Variants in SUGCT observed in about 807,000 individuals in gnomAD.
The protein encoded by SUGCT is succinyl-CoA:glutarate CoA-transferase.
A neutral mutation model predicts 55.0 loss-of-function variants in SUGCT; 41 were observed. The ratio of observed to expected loss-of-function variants is 0.74; its 90% CI spans 0.58 to 0.97. SUGCT has a LOEUF of 0.97. Ranked by LOEUF, SUGCT falls within the 50% of genes least tolerant of loss-of-function variation. The probability of loss-of-function intolerance (pLI) is 0.00; values close to 1 mark genes in which losing one functional copy is unlikely to be tolerated. For synonymous variants in SUGCT, 187 were observed against 200.4 expected (o/e 0.93, Z 0.56); for missense variants, 568 against 547.8 (o/e 1.04, Z -0.37).
intron 9 of SUGCT, among the ~76,000 whole-genome samples, chr7:40,397,013 AT>A (rs1248991605): frequency 6.6e-6 from 1 of 152,216 alleles, no homozygotes; most frequent in Non-Finnish European, 1.5e-5. Context: ...GTCTTTAAAA[AT>A]AATATATATC....
intron 12 of SUGCT, among the ~76,000 whole-genome samples, chr7:40,632,099 T>G (rs1799815047): frequency 6.6e-6 from 1 of 152,180 alleles, no homozygotes; most frequent in Non-Finnish European, 1.5e-5. Context: ...AATGGTGCTT[T>G]ATACATACTG....
At chr7:40,728,104 G>C (rs1303010007) in intron 12 of SUGCT, among the ~76,000 whole-genome samples, 1 of 152,078 alleles carries the variant, frequency 6.6e-6, no homozygotes, top group African/African-American at 2.4e-5. Context: ...TAGTCAAAGA[G>C]TATTTATAAA....
intron 12 of SUGCT, among the ~76,000 whole-genome samples, chr7:40,635,793 A>G (rs1423071671): frequency 6.6e-6 from 1 of 152,192 alleles, no homozygotes. Context: ...CTCCCAATCA[A>G]TGTGTGAATG....
At chr7:40,454,620 A>AT (rs1391752606) in intron 10 of SUGCT, among the ~76,000 whole-genome samples, 1 of 151,764 alleles carries the variant, frequency 6.6e-6, no homozygotes, top group Non-Finnish European at 1.5e-5. Context: ...CAGAGGGGGA[A>AT]AAAATGTATT....
chr7:40,568,271 A>T (rs1239716950), intron 12 of SUGCT, among the ~76,000 whole-genome samples: 1 of 152,156 alleles, frequency 6.6e-6, no homozygotes, highest in Non-Finnish European at 1.5e-5. Context: ...ATTCAGGTAC[A>T]TAGTAAGCAT....
the SUGCT span, among the ~76,000 whole-genome samples, chr7:41,035,962 A>T: frequency 1.3e-5 from 2 of 152,314 alleles, no homozygotes; most frequent in South Asian, 4.1e-4. Context: ...GAGCAGCCCC[A>T]TGCCTTTGGA....
intron 12 of SUGCT, among the ~76,000 whole-genome samples, chr7:40,708,664 C>T (rs1045113829): frequency 6.6e-6 from 1 of 152,286 alleles, no homozygotes; most frequent in East Asian, 1.9e-4. Context: ...GCTGAGCAAA[C>T]CCCTGCCTCA....
At chr7:40,811,398 G>A (rs1584475137) in intron 13 of SUGCT, among the ~76,000 whole-genome samples, 2 of 152,126 alleles carry the variant, frequency 1.3e-5, no homozygotes, top group Admixed American at 6.5e-5. Flanking sequence ...GAATCCGTGA[G>A]TATGGAATAT....
rs370596916 is a variant in SUGCT at position 40,796,290 on chromosome 7, A to T, written c.1153+46793A>T. On this transcript the variant is annotated intron_variant, in intron 13 of 13. Coordinates refer to ENST00000335693, the MANE Select transcript of SUGCT (RefSeq NM_001193313.2). ...CATCAATCCATGAAAACAAGTGATT[A>T]TATGCAAAGGTATTCAAAAGGGATG... 1.8e-4 allele frequency among the ~76,000 whole-genome samples: 27 copies of T among 152,302 alleles called. 1 individual carries two copies. In the East Asian group the frequency reaches 2.3e-3, roughly 13 times the overall value.
the SUGCT span, chr7:40,966,356 G>A: frequency 1.3e-5 from 2 of 152,184 alleles, no homozygotes; most frequent in South Asian, 4.1e-4. Context: ...TCATCCTCTG[G>A]ACATTCATGA....
At chr7:40,492,673 T>C (rs563547433) in intron 11 of SUGCT, among the ~76,000 whole-genome samples, 2 of 152,220 alleles carry the variant, frequency 1.3e-5, no homozygotes, top group Non-Finnish European at 2.9e-5. Context: ...CTTTCTCTCA[T>C]CTTTCATATG....
At chr7:40,836,315 G>T (rs966807726) in intron 13 of SUGCT, among the ~76,000 whole-genome samples, 1 of 151,998 alleles carries the variant, frequency 6.6e-6, no homozygotes, top group African/African-American at 2.4e-5. Flanking sequence ...TTTTTATTTT[G>T]ACATATTTGT....
chr7:40,559,742 A>T (rs1380053335), intron 12 of SUGCT, among the ~76,000 whole-genome samples: 2 of 152,348 alleles, frequency 1.3e-5, no homozygotes, highest in African/African-American at 4.8e-5. Flanking sequence ...GGGATGGAGA[A>T]CTGACCTATT....
intron 12 of SUGCT, among the ~76,000 whole-genome samples, chr7:40,745,274 A>C (rs1787677748): frequency 6.6e-6 from 1 of 152,178 alleles, no homozygotes; most frequent in African/African-American, 2.4e-5. Context: ...TCTTTTCATT[A>C]GAATATTCCT....
the SUGCT span, among the ~76,000 whole-genome samples, chr7:40,929,831 G>T: frequency 6.6e-6 from 1 of 152,178 alleles, no homozygotes; most frequent in South Asian, 2.1e-4. Context: ...CCCTTTGTCA[G>T]ATGGGTAGAT....
At chr7:40,504,952 A>G (rs1009234792) in intron 12 of SUGCT, among the ~76,000 whole-genome samples, 2 of 152,172 alleles carry the variant, frequency 1.3e-5, no homozygotes, top group African/African-American at 4.8e-5. Context: ...TTGAAAACAT[A>G]CTTTGTGTGA....
chr7:40,864,223 C>A (rs547028054), downstream of SUGCT, among the ~76,000 whole-genome samples: 2 of 152,134 alleles, frequency 1.3e-5, no homozygotes, highest in Non-Finnish European at 2.9e-5. Context: ...GTGGTGCGAT[C>A]TCAGCTCACT....
chr7:41,002,194 T>C, the SUGCT span, among the ~76,000 whole-genome samples: 1 of 152,158 alleles, frequency 6.6e-6, no homozygotes, highest in South Asian at 2.1e-4. Context: ...CTAATTTTTG[T>C]ATTATTAGTA....
At chr7:40,514,087 G>T (rs1410175588) in intron 12 of SUGCT, among the ~76,000 whole-genome samples, 1 of 151,910 alleles carries the variant, frequency 6.6e-6, no homozygotes, top group Non-Finnish European at 1.5e-5. Flanking sequence ...ACCGTGCCCG[G>T]CATCAGGGAA....
Sources: gnomAD v4.1 joint callset for allele counts (sites outside exome capture counted in the v4.1 genomes callset) on GRCh38, gnomAD v4.1.1 for gene constraint, MANE v1.5 for transcripts, NCBI Gene and HGNC (gene_info 2026-07-23, HGNC 2026-07-21) for gene names.